ANGPT1: variants seen among roughly 807,000 people sequenced by gnomAD.
ANGPT1 encodes angiopoietin-1.
ANGPT1 carries 17 observed loss-of-function variants against 62.2 expected under a neutral mutation model. That is an observed-to-expected ratio of 0.27 (90% CI 0.19 to 0.41). ANGPT1 has a LOEUF of 0.41. ANGPT1 is among the 10% of genes least tolerant of loss of function. The pLI is 1.00. For synonymous variants in ANGPT1, 199 were observed against 198.9 expected (o/e 1.00, Z 0.00); for missense variants, 478 against 594.9 (o/e 0.80, Z 2.04).
chr8:107,387,596 G>T (rs569802492), intron 1 of ANGPT1, among the ~76,000 whole-genome samples: 1 of 151,686 alleles, frequency 6.6e-6, no homozygotes. Flanking sequence ...TAGTACGATC[G>T]TACTATTTAT....
chr8:107,462,846 A>T (rs957963126), intron 1 of ANGPT1, among the ~76,000 whole-genome samples: 5 of 152,164 alleles, frequency 3.3e-5, no homozygotes, highest in Non-Finnish European at 5.9e-5. Flanking sequence ...CAAAACTGTT[A>T]TAAAGAGGGA....
At chr8:107,400,181 A>G (rs551585086) in intron 1 of ANGPT1, among the ~76,000 whole-genome samples, 7 of 152,322 alleles carry the variant, frequency 4.6e-5, no homozygotes, top group African/African-American at 1.7e-4. Flanking sequence ...CAAATTGTCT[A>G]CACAAATACA....
At chr8:107,306,157 C>A (rs1467131783) in intron 4 of ANGPT1, among the ~76,000 whole-genome samples, 5 of 152,048 alleles carry the variant, frequency 3.3e-5, no homozygotes, top group Admixed American at 3.3e-4. Context: ...GTTACTCCTT[C>A]TTATGGAAGA....
intron 1 of ANGPT1, among the ~76,000 whole-genome samples, chr8:107,452,443 A>G (rs578146634): frequency 3.3e-5 from 5 of 151,856 alleles, no homozygotes; most frequent in Admixed American, 3.3e-4. Context: ...GGTAAAAATT[A>G]TTTACCAATA....
At chr8:107,256,965 TC>T (rs1813373099) in intron 8 of ANGPT1, among the ~76,000 whole-genome samples, 1 of 152,170 alleles carries the variant, frequency 6.6e-6, no homozygotes, top group Non-Finnish European at 1.5e-5. Context: ...CAAGCCATTC[TC>T]CTGCCTCAGC....
intron 1 of ANGPT1, among the ~76,000 whole-genome samples, chr8:107,450,377 A>G (rs1214256313): frequency 6.6e-6 from 1 of 152,106 alleles, no homozygotes; most frequent in East Asian, 1.9e-4. Flanking sequence ...GTTCATTTAC[A>G]TCTGTGTTAT....
rs144666419 is a variant in ANGPT1, at chr8:107,420,598, G to A, written c.298-73501C>T. On this transcript the variant is annotated intron_variant, in intron 1 of 8. Transcript: ENST00000517746. ...ATCAGACGGAGAAGAACAGCCTCAG[G>A]TCTCATATCCTCTCATATATATAAT... Among the ~76,000 whole-genome samples the A allele has an allele frequency of 9.3e-4, 141 of 152,208 alleles. 2 individuals carry two copies. Among genetic ancestry groups the A allele is most frequent in the African/African-American group, 3.2e-3 (135 of 41,544 alleles).
intron 1 of ANGPT1, among the ~76,000 whole-genome samples, chr8:107,492,997 T>C (rs1320943328): frequency 6.6e-6 from 1 of 150,514 alleles, no homozygotes; most frequent in Non-Finnish European, 1.5e-5. Context: ...AATATCTAGC[T>C]GACCCTCAAG....
intron 6 of ANGPT1, 43 bp downstream of exon 6, chr8:107,293,893 C>A: frequency 4.0e-6 from 6 of 1,517,348 alleles, no homozygotes; most frequent in Middle Eastern, 1.7e-4. Flanking sequence ...AAGATAACTT[C>A]AAGATAAAAC....
chr8:107,469,349 A>C (rs1812286083), intron 1 of ANGPT1, among the ~76,000 whole-genome samples: 1 of 151,958 alleles, frequency 6.6e-6, no homozygotes. Context: ...TCAGTTCCTC[A>C]CTGGAGTATA....
chr8:107,494,104 C>G (rs1179515852), intron 1 of ANGPT1, among the ~76,000 whole-genome samples: 1 of 136,508 alleles, frequency 7.3e-6, no homozygotes, highest in Non-Finnish European at 1.6e-5. Context: ...GCATTATTGA[C>G]TCAATTTATT....
intron 1 of ANGPT1, among the ~76,000 whole-genome samples, chr8:107,488,257 G>A (rs72674338): frequency 0.11 from 16,659 of 152,110 alleles, 1,292 homozygotes; most frequent in Middle Eastern, 0.19. Context: ...TCAAACTATC[G>A]AATGTAATGT....
At chr8:107,444,132 T>C (rs76804841) in intron 1 of ANGPT1, among the ~76,000 whole-genome samples, 2,144 of 152,308 alleles carry the variant, frequency 0.014, 49 homozygotes, top group African/African-American at 0.049. Context: ...GGATGTATCA[T>C]TCCTGAATCA....
chr8:107,412,148 C>A (rs140893555), intron 1 of ANGPT1, among the ~76,000 whole-genome samples: 1 of 152,042 alleles, frequency 6.6e-6, no homozygotes, highest in Admixed American at 6.6e-5. Flanking sequence ...GATTGAGAAC[C>A]GCTACTGTAG....
intron 1 of ANGPT1, among the ~76,000 whole-genome samples, chr8:107,439,719 T>G (rs1252263054): frequency 6.6e-6 from 1 of 152,180 alleles, no homozygotes; most frequent in Non-Finnish European, 1.5e-5. Context: ...GGAAAGGAGT[T>G]TGTATTGCTG....
intron 4 of ANGPT1, among the ~76,000 whole-genome samples, chr8:107,304,372 T>C (rs1187221861): frequency 6.6e-6 from 1 of 151,712 alleles, no homozygotes; most frequent in Non-Finnish European, 1.5e-5. Context: ...GTAATTGGTT[T>C]TATTTAACCT....
chr8:107,452,310 G>A (rs1055823596), intron 1 of ANGPT1, among the ~76,000 whole-genome samples: 1 of 151,618 alleles, frequency 6.6e-6, no homozygotes, highest in East Asian at 1.9e-4. Flanking sequence ...ATCTTACGGA[G>A]AGACCATGGA....
At chr8:107,273,541 C>G (rs549896634) in intron 7 of ANGPT1, among the ~76,000 whole-genome samples, 3 of 151,944 alleles carry the variant, frequency 2.0e-5, no homozygotes, top group Non-Finnish European at 4.4e-5. Context: ...ACAAGATGTC[C>G]TCTAAATACT....
At chr8:107,325,817 C>T (rs1039819933) in intron 3 of ANGPT1, among the ~76,000 whole-genome samples, 2 of 151,852 alleles carry the variant, frequency 1.3e-5, no homozygotes, top group Non-Finnish European at 2.9e-5. Flanking sequence ...TTCAAGCGGA[C>T]ATATGCGCAG....
Sources: allele counts gnomAD v4.1 joint callset (sites outside exome capture counted in the v4.1 genomes callset), GRCh38; gene constraint gnomAD v4.1.1; transcripts MANE v1.5; gene names NCBI Gene and HGNC (gene_info 2026-07-23, HGNC 2026-07-21).